The following RTN1 variants were observed in gnomAD, a reference collection of about 807,000 sequenced individuals.
RTN1 encodes the protein reticulon 1, also known as reticulon-1.
A neutral mutation model predicts 65.5 loss-of-function variants in RTN1; 25 were observed. The ratio of observed to expected loss-of-function variants is 0.38; its 90% CI spans 0.28 to 0.53. The LOEUF (loss-of-function observed/expected upper bound fraction) is 0.53, where lower values mean the gene tolerates loss of function less well. Among genes scored for constraint, RTN1 ranks in the 20% least tolerant of loss-of-function variants. The pLI is 0.79. For synonymous variants in RTN1, 471 were observed against 447.6 expected, an observed-to-expected ratio of 1.05 and a Z score of -0.66; for missense variants, 983 against 1,025.4, an observed-to-expected ratio of 0.96 and a Z score of 0.57.
At chr14:59,777,532 A>C (rs1168606457) in intron 1 of RTN1, among the ~76,000 whole-genome samples, 1 of 152,068 alleles carries the variant, frequency 6.6e-6, no homozygotes. Context: ...CACTCCTTCC[A>C]AACAATCTCT....
chr14:59,685,901 T>C (rs945963806), intron 3 of RTN1, among the ~76,000 whole-genome samples: 4 of 152,210 alleles, frequency 2.6e-5, no homozygotes, highest in African/African-American at 9.6e-5. Context: ...GGCATCACAC[T>C]ACCTGACTTC....
At chr14:59,750,295 C>CTATAATATATAATATATATAATATA (rs1885453865) in intron 1 of RTN1, among the ~76,000 whole-genome samples, 4 of 41,322 alleles carry the variant, frequency 9.7e-5, no homozygotes, top group Non-Finnish European at 1.5e-4. Context: ...TATATAATAT[C>CTATAATATATAATATATATAATATA]TATAATATAT....
intron 8 of RTN1, among the ~76,000 whole-genome samples, chr14:59,598,531 TTTAG>T (rs1881479192): frequency 6.6e-6 from 1 of 152,078 alleles, no homozygotes; most frequent in Non-Finnish European, 1.5e-5. Context: ...TGAGATAACC[TTTAG>T]GGTCACAGGA....
Position 59,852,782 on chromosome 14 carries a change from T to A in RTN1, c.241+17608A>T, listed in dbSNP as rs1051965213. ...ATCCTCTGAGAGCCACAAATTCAGTTAGAGTATATTCTTGAAATTAATACA... is the reference window on the plus strand; with the variant it reads ...ATCCTCTGAGAGCCACAAATTCAGTAAGAGTATATTCTTGAAATTAATACA... On this transcript the variant is annotated intron_variant, in intron 1 of 8. Transcript: ENST00000267484. 1.2e-4 allele frequency among the ~76,000 whole-genome samples: 18 copies of A among 152,354 alleles called. 1 individual carries two copies. The highest frequency in any genetic ancestry group is 8.5e-4 in the Admixed American group (13 of 15,310).
At position 59,849,753 on chromosome 14, in the gene RTN1, A is replaced by C. The variant is rs1341613581; in HGVS notation, c.241+20637T>G. 6.6e-6 allele frequency among the ~76,000 whole-genome samples: 1 copy of C among 152,154 alleles called. No homozygotes were observed. Among genetic ancestry groups the C allele is most frequent in the African/African-American group, 2.4e-5 (1 of 41,432 alleles). On this transcript the variant is annotated intron_variant, in intron 1 of 8. Coordinates refer to ENST00000267484, the MANE Select transcript of RTN1 (RefSeq NM_021136.3). This position sits in a 1 kb window ranked among gnomAD's most constrained non-coding sequence, Gnocchi z 4.5. The stretch of plus-strand genomic sequence containing the variant: ...AGCAATCATAAACATGTGAATTACA[A>C]TTTCTAAGGGAAGTAAAGCCAAGAA...
intron 1 of RTN1, among the ~76,000 whole-genome samples, chr14:59,837,671 C>T (rs1448402612): frequency 6.6e-6 from 1 of 151,904 alleles, no homozygotes; most frequent in African/African-American, 2.4e-5. Context: ...AAAAAACTGG[C>T]TTCACATGTA....
At chr14:59,692,920 C>A (rs569389280) in intron 3 of RTN1, among the ~76,000 whole-genome samples, 1 of 152,322 alleles carries the variant, frequency 6.6e-6, no homozygotes, top group East Asian at 1.9e-4. Flanking sequence ...TGAGCCACCA[C>A]CTTTAATAAT....
chr14:59,599,791 T>C (rs905255858), intron 8 of RTN1, among the ~76,000 whole-genome samples: 3 of 152,332 alleles, frequency 2.0e-5, no homozygotes, highest in Non-Finnish European at 2.9e-5. Flanking sequence ...ATATAACATC[T>C]AGAATCTTTC....
chr14:59,721,343 C>A (rs1884643956), intron 3 of RTN1, among the ~76,000 whole-genome samples: 1 of 152,206 alleles, frequency 6.6e-6, no homozygotes, highest in South Asian at 2.1e-4. Context: ...ACCTCTCTAA[C>A]AGAAAGAGAT....
chr14:59,736,237 G>A (rs916203299), intron 2 of RTN1, among the ~76,000 whole-genome samples: 10 of 151,834 alleles, frequency 6.6e-5, no homozygotes, highest in African/African-American at 2.4e-4. Flanking sequence ...AACAAATCTA[G>A]GAGCTGTTTT....
chr14:59,749,278 C>A (rs867380038), intron 1 of RTN1, among the ~76,000 whole-genome samples: 28 of 16,308 alleles, frequency 1.7e-3, no homozygotes, highest in South Asian at 2.9e-3. Context: ...ATATATATAT[C>A]TATATATATC....
chr14:59,624,334 G>T (rs1882334181), intron 3 of RTN1, among the ~76,000 whole-genome samples: 1 of 152,116 alleles, frequency 6.6e-6, no homozygotes, highest in Admixed American at 6.5e-5. Context: ...ATTTAAAGTA[G>T]TTAGCATTAT....
Position 59,627,194 on chromosome 14 carries a change from G to T in RTN1, c.1766-19702C>A, listed in dbSNP as rs76183859. ...TGGCAAAATGAAGACTTGTAAATGT[G>T]AAGGGGTTATTAAGCCTACACAATC... On this transcript the variant is annotated intron_variant, in intron 3 of 8. Transcript: ENST00000267484. Among the ~76,000 whole-genome samples the T allele has an allele frequency of 2.6e-3, 389 of 152,340 alleles. 3 individuals are homozygous for T. Among genetic ancestry groups the T allele is most frequent in the Non-Finnish European group, 4.7e-3 (317 of 68,036 alleles).
At chr14:59,607,541 C>A (rs758430702) in intron 3 of RTN1, 49 bp from the exon 4 acceptor site, 7 of 1,501,254 alleles carry the variant, frequency 4.7e-6, no homozygotes, top group Non-Finnish European at 6.4e-6. Context: ...AGTGCCGCCA[C>A]ATGAGCCGCT....
At chr14:59,864,182 A>G (rs958521681) in intron 1 of RTN1, among the ~76,000 whole-genome samples, 1 of 152,174 alleles carries the variant, frequency 6.6e-6, no homozygotes, top group Non-Finnish European at 1.5e-5. Context: ...ACAAGGGCCT[A>G]TAGGACCTAA....
At chr14:59,784,396 G>A (rs945766323) in intron 1 of RTN1, among the ~76,000 whole-genome samples, 5 of 151,372 alleles carry the variant, frequency 3.3e-5, no homozygotes, top group African/African-American at 7.3e-5. Context: ...AGCCGAGATC[G>A]TGCCATTACA....
intron 3 of RTN1, among the ~76,000 whole-genome samples, chr14:59,707,495 T>C (rs879306320): frequency 6.6e-6 from 1 of 152,198 alleles, no homozygotes; most frequent in Non-Finnish European, 1.5e-5. Flanking sequence ...GAGCAGGAAG[T>C]CTGCTTTGTT....
intron 1 of RTN1, among the ~76,000 whole-genome samples, chr14:59,869,839 A>G (rs893761104): frequency 6.6e-6 from 1 of 152,006 alleles, no homozygotes; most frequent in African/African-American, 2.4e-5. Context: ...GAAAAGGCGG[A>G]GGGATGTGGG....
In RTN1 at chr14:59,727,762, G is replaced by C; in HGVS notation, c.1016-94C>G. 1 of 1,449,782 alleles carries C rather than the reference G, an allele frequency of 6.9e-7. No individual in the cohort carries two copies. The highest frequency in any genetic ancestry group is 2.4e-5 in the East Asian group (1 of 42,206). The allele number at this position is 1,449,782 out of a possible 1,614,324, so 89.8% of individuals were successfully genotyped here. A position where few individuals can be genotyped will look rare whatever the true frequency, so the allele number is the denominator to read the frequency against. ...GAGGGATAAAACAAAATTCCATTAG[G>C]CGAGATGTTTTGTCGTTGCTTGAGA... On this transcript the variant is annotated intron_variant, in intron 2 of 8. Coordinates refer to ENST00000267484, the MANE Select transcript of RTN1 (RefSeq NM_021136.3). The surrounding 1 kb of genome is among the most constrained non-coding windows in gnomAD (Gnocchi z 4.2).
Sources: allele counts gnomAD v4.1 joint callset (sites outside exome capture counted in the v4.1 genomes callset), GRCh38; gene constraint gnomAD v4.1.1; non-coding constraint Gnocchi (gnomAD v3.1); transcripts MANE v1.5; gene names NCBI Gene and HGNC (gene_info 2026-07-23, HGNC 2026-07-21).